The following TRAPPC9 variants were observed in gnomAD, a reference collection of about 807,000 sequenced individuals.
TRAPPC9 encodes the protein trafficking protein particle complex subunit 9, also known as IKK2 binding protein.
TRAPPC9 carries 83 observed loss-of-function variants against 124.0 expected under a neutral mutation model. The observed-to-expected ratio is 0.67, with a 90% confidence interval of 0.56 to 0.80. TRAPPC9 has a LOEUF of 0.80. Among genes scored for constraint, TRAPPC9 ranks in the 30% least tolerant of loss-of-function variants. The pLI is 0.00. For synonymous variants in TRAPPC9, 638 were observed against 617.5 expected (o/e 1.03, Z -0.49); for missense variants, 1,302 against 1,508.3 (o/e 0.86, Z 2.27).
At chr8:140,212,208 G>A (rs1266571143) in intron 17 of TRAPPC9, among the ~76,000 whole-genome samples, 1 of 152,244 alleles carries the variant, frequency 6.6e-6, no homozygotes, top group Non-Finnish European at 1.5e-5. Flanking sequence ...TCATGGTGAA[G>A]GACAGGGGTA....
At chr8:140,301,171 G>A (rs2065965785) in intron 10 of TRAPPC9, among the ~76,000 whole-genome samples, 1 of 152,208 alleles carries the variant, frequency 6.6e-6, no homozygotes. Context: ...TGGCACCCAT[G>A]AGAAGGTCAA....
chr8:140,221,741 G>A (rs1038685057), intron 16 of TRAPPC9, among the ~76,000 whole-genome samples, 158 bp from the exon 17 acceptor site: 2 of 152,166 alleles, frequency 1.3e-5, no homozygotes, highest in Non-Finnish European at 2.9e-5. Flanking sequence ...GGGCTCTGGT[G>A]ATCCTCCCAC....
At position 140,112,437 on chromosome 8, in the gene TRAPPC9, C is replaced by T. The variant is rs111953166; in HGVS notation, c.2557-88358G>A. 1.3e-3 allele frequency among the ~76,000 whole-genome samples: 176 copies of T among 139,418 alleles called. 1 individual carries two copies. The highest frequency in any genetic ancestry group is 4.4e-3 in the African/African-American group (167 of 38,168). The allele number at this position is 139,418 out of a possible 152,430, so 91.5% of individuals were successfully genotyped here. ...ATTCCAGACGATGGTGGGACAGGTGCGAGGAGAGTAATGGAGAATTCCAGA... is the reference window on the plus strand; with the variant it reads ...ATTCCAGACGATGGTGGGACAGGTGTGAGGAGAGTAATGGAGAATTCCAGA... On this transcript the variant is annotated intron_variant, in intron 17 of 22. Coordinates refer to ENST00000438773, the MANE Select transcript of TRAPPC9 (RefSeq NM_001160372.4).
chr8:140,030,938 A>C (rs1840460143), intron 17 of TRAPPC9, among the ~76,000 whole-genome samples: 1 of 152,206 alleles, frequency 6.6e-6, no homozygotes, highest in Admixed American at 6.5e-5. Context: ...TGGTGGTTAC[A>C]TGGAGTATAT....
chr8:140,052,099 G>A (rs779238431), intron 17 of TRAPPC9, among the ~76,000 whole-genome samples: 10 of 151,940 alleles, frequency 6.6e-5, no homozygotes, highest in Non-Finnish European at 1.3e-4. Flanking sequence ...AAAGCACAAG[G>A]CATGGCAAAG....
intron 21 of TRAPPC9, among the ~76,000 whole-genome samples, chr8:139,820,358 T>A (rs1228533355): frequency 6.6e-6 from 1 of 152,060 alleles, no homozygotes; most frequent in African/African-American, 2.4e-5. Flanking sequence ...TTTTTGTATT[T>A]TTAGTAGAGA....
chr8:139,749,011 C>T (rs1819140990), intron 21 of TRAPPC9, among the ~76,000 whole-genome samples: 1 of 152,122 alleles, frequency 6.6e-6, no homozygotes, highest in Non-Finnish European at 1.5e-5. Context: ...AGAGAGAAGA[C>T]ATAAAGTGAT....
chr8:139,933,230 A>T (rs944901820), intron 19 of TRAPPC9: 1 of 152,446 alleles, frequency 6.6e-6, no homozygotes, highest in Admixed American at 6.5e-5. Flanking sequence ...CTAAAGCAGA[A>T]AACTCCACAA....
chr8:139,925,251 G>C (rs1310998050), intron 19 of TRAPPC9, among the ~76,000 whole-genome samples: 7 of 152,240 alleles, frequency 4.6e-5, no homozygotes, highest in Non-Finnish European at 8.8e-5. Context: ...TCAGGCAACA[G>C]CACTGGAGGC....
chr8:139,784,509 G>A (rs1284399361), intron 21 of TRAPPC9, among the ~76,000 whole-genome samples: 1 of 151,434 alleles, frequency 6.6e-6, no homozygotes, highest in East Asian at 1.9e-4. Context: ...AGGAGGCTGA[G>A]GTTGCAGTGA....
intron 17 of TRAPPC9, among the ~76,000 whole-genome samples, chr8:140,142,090 G>A (rs942619075): frequency 5.3e-5 from 8 of 152,264 alleles, no homozygotes; most frequent in East Asian, 3.9e-4. Flanking sequence ...TGGGGCAGTC[G>A]ACAGAATGGT....
chr8:139,960,436 G>A (rs1445466256), intron 19 of TRAPPC9, among the ~76,000 whole-genome samples: 3 of 152,170 alleles, frequency 2.0e-5, no homozygotes, highest in Admixed American at 2.0e-4. Context: ...CTCTCCCTCT[G>A]TACCTGGTCT....
intron 17 of TRAPPC9, among the ~76,000 whole-genome samples, chr8:140,120,328 G>A (rs990265368): frequency 6.6e-6 from 1 of 152,174 alleles, no homozygotes; most frequent in Non-Finnish European, 1.5e-5. Flanking sequence ...GAATGAGGCG[G>A]GTGCTCTTCC....
chr8:140,213,363 A>G (rs2063110631), intron 17 of TRAPPC9, among the ~76,000 whole-genome samples: 1 of 152,078 alleles, frequency 6.6e-6, no homozygotes, highest in African/African-American at 2.4e-5. Context: ...TATCATTTTA[A>G]TATCTATAAA....
chr8:140,312,864 A>G (rs2066337562), intron 9 of TRAPPC9, among the ~76,000 whole-genome samples: 1 of 151,642 alleles, frequency 6.6e-6, no homozygotes, highest in Admixed American at 6.6e-5. Flanking sequence ...GGTTCAAGCA[A>G]TCCTCCCATC....
At chr8:140,326,274 C>T (rs980285671) in intron 9 of TRAPPC9, among the ~76,000 whole-genome samples, 2 of 151,570 alleles carry the variant, frequency 1.3e-5, no homozygotes, top group African/African-American at 2.4e-5. Flanking sequence ...AGGGAAGGCA[C>T]CTAAAGACCT....
At chr8:139,868,924 A>T (rs993908999) in intron 21 of TRAPPC9, among the ~76,000 whole-genome samples, 1 of 152,240 alleles carries the variant, frequency 6.6e-6, no homozygotes, top group Non-Finnish European at 1.5e-5. Flanking sequence ...AGCAACTCAG[A>T]CCTTGGAAGG....
chr8:139,766,290 G>A (rs1010861001), intron 21 of TRAPPC9, among the ~76,000 whole-genome samples: 7 of 152,140 alleles, frequency 4.6e-5, no homozygotes, highest in Non-Finnish European at 8.8e-5. Flanking sequence ...AGGCCAGGGA[G>A]TGTCTCTGCT....
chr8:139,731,359 G>C (rs1563768340), intron 22 of TRAPPC9, 131 bp from the exon 23 acceptor site: 2 of 1,049,148 alleles, frequency 1.9e-6, no homozygotes, highest in South Asian at 1.4e-5. Context: ...CCTGGCTCCA[G>C]TGCCCCCTCC....
Sources: gnomAD v4.1 joint callset for allele counts (sites outside exome capture counted in the v4.1 genomes callset) on GRCh38, gnomAD v4.1.1 for gene constraint, MANE v1.5 for transcripts, NCBI Gene and HGNC (gene_info 2026-07-23, HGNC 2026-07-21) for gene names.